Variants in CDC45 observed in about 807,000 individuals in gnomAD.
CDC45 encodes cell division control protein 45 homolog.
A neutral mutation model predicts 77.8 loss-of-function variants in CDC45; 54 were observed. The ratio of observed to expected loss-of-function variants is 0.69; its 90% CI spans 0.56 to 0.87. CDC45 has a LOEUF of 0.87. Ranked by LOEUF, CDC45 falls within the 40% of genes least tolerant of loss-of-function variation. CDC45 has a pLI of 0.00. For synonymous variants in CDC45, 260 were observed against 272.1 expected, an observed-to-expected ratio of 0.96 and a Z score of 0.44; for missense variants, 649 against 721.6, an observed-to-expected ratio of 0.90 and a Z score of 1.15.
Position 19,514,823 on chromosome 22 carries a change from C to G in CDC45, c.1292C>G (p.Ala431Gly). 1 of 1,614,160 alleles carries G rather than the reference C, an allele frequency of 6.2e-7. No individual in the cohort carries two copies. The highest frequency in any genetic ancestry group is 1.1e-5 in the South Asian group (1 of 91,088). ...CTGCGAGCCACCCAGCAGACCATTG[C>G]CAGCTGCCTTTGCACCAACCTCGTC... ...KQLRATQQTI[A>G]SCLCTNLVIS... Residue 431 changes from alanine to glycine, a missense_variant, in exon 14 of 19, where the codon GCC becomes GGC. Physicochemically the swap from Ala to Gly is moderately conservative, Grantham distance 60. Coordinates refer to ENST00000263201, the MANE Select transcript of CDC45 (RefSeq NM_003504.5).
chr22:19,504,686 G>A (rs1300845985), intron 9 of CDC45, among the ~76,000 whole-genome samples: 1 of 152,150 alleles, frequency 6.6e-6, no homozygotes. Flanking sequence ...GTAATCATCA[G>A]GGTGTACAAA....
intron 9 of CDC45, among the ~76,000 whole-genome samples, chr22:19,501,105 A>G (rs1932886670): frequency 6.6e-6 from 1 of 152,150 alleles, no homozygotes; most frequent in Admixed American, 6.6e-5. Context: ...GCTTGAACCC[A>G]GGAGGCGGAG....
chr22:19,514,961 G>T lies in CDC45; in HGVS notation c.1357-4G>T, dbSNP rs758642029. The T allele has an allele frequency of 2.5e-6, 4 of 1,614,160 alleles. No homozygotes were observed. Among genetic ancestry groups the T allele is most frequent in the Non-Finnish European group, 3.4e-6 (4 of 1,180,022 alleles). On this transcript the variant is annotated splice_region_variant and splice_polypyrimidine_tract_variant and intron_variant, in intron 14 of 18. Transcript: ENST00000263201. ...TCGTCTGACCATCTGTCTCGCCTCC[G>T]CAGGGCACTCCAGATGTCATGCTGT...
chr22:19,505,548 T>A, intron 10 of CDC45, 67 bp downstream of exon 10: 1 of 1,580,578 alleles, frequency 6.3e-7, no homozygotes. Flanking sequence ...GTTTGCTTTG[T>A]CACCCTCTGT....
intron 9 of CDC45, among the ~76,000 whole-genome samples, chr22:19,501,179 CA>C (rs71729178): frequency 0.014 from 2,059 of 149,788 alleles, 55 homozygotes; most frequent in African/African-American, 0.047. Flanking sequence ...GACTCCGTCT[CA>C]AAAAAAAACA....
At chr22:19,511,605 T>C (rs1005717288) in intron 13 of CDC45, among the ~76,000 whole-genome samples, 1 of 152,158 alleles carries the variant, frequency 6.6e-6, no homozygotes, top group African/African-American at 2.4e-5. Context: ...ACTGGGATTA[T>C]AGGTATGAAC....
intron 17 of CDC45, among the ~76,000 whole-genome samples, chr22:19,518,236 A>C (rs1933909754): frequency 6.6e-6 from 1 of 152,174 alleles, no homozygotes; most frequent in African/African-American, 2.4e-5. Flanking sequence ...GTGAGGGTGC[A>C]GAGTGGGCCA....
intron 11 of CDC45, 35 bp downstream of exon 11, chr22:19,507,552 C>T (rs1055669011): frequency 2.5e-6 from 4 of 1,611,758 alleles, no homozygotes; most frequent in Non-Finnish European, 3.4e-6. Context: ...AGTGCCAGCC[C>T]TGGCCACCCC....
chr22:19,506,574 G>C (rs13447259), intron 10 of CDC45, among the ~76,000 whole-genome samples: 5 of 152,138 alleles, frequency 3.3e-5, no homozygotes, highest in African/African-American at 1.2e-4. Flanking sequence ...GAAATCCACC[G>C]TGGGGGACAG....
chr22:19,485,281 T>TA (rs2146339165), intron 5 of CDC45, among the ~76,000 whole-genome samples: 1 of 152,360 alleles, frequency 6.6e-6, no homozygotes, highest in Admixed American at 6.5e-5. Flanking sequence ...TTTAAGCACT[T>TA]ACTATGTGCC....
rs1408081227 is a variant in CDC45 at position 19,496,007 on chromosome 22, A to G, written c.569A>G (p.Gln190Arg). Residue 190 changes from glutamine (Q) to arginine (R), a missense_variant, in exon 7 of 19, where the codon CAG becomes CGG. Gln to Arg is a conservative substitution (Grantham distance 43, BLOSUM62 1). Transcript: ENST00000263201. ...AGAGACATCCTCTTTGACTACGAGC[A>G]GTATGAATATCATGGGACATCGGTA... is the stretch of plus-strand genomic sequence containing the variant. Reference protein sequence around the residue: ...RRRDILFDYEQYEYHGTSSAM... With the variant: ...RRRDILFDYERYEYHGTSSAM... 2 of 1,611,048 alleles carry G rather than the reference A, an allele frequency of 1.2e-6. No homozygotes were observed. The highest frequency in any genetic ancestry group is 1.7e-6 in the Non-Finnish European group (2 of 1,177,370).
chr22:19,510,822 C>T (rs1289882781), intron 13 of CDC45, among the ~76,000 whole-genome samples: 2 of 152,168 alleles, frequency 1.3e-5, no homozygotes, highest in African/African-American at 2.4e-5. Context: ...CCACCATGCC[C>T]GGCCAGTGTC....
At position 19,507,825 on chromosome 22, in the gene CDC45, A is replaced by G; in HGVS notation, c.1016A>G (p.Asn339Ser). 6.2e-7 allele frequency: 1 copy of G among 1,600,142 alleles called. No individual in the cohort carries two copies. ...FQAMDISLKE[N>S]LREMIEESAN... ...GCCATGGACATCTCCTTGAAGGAGA[A>G]TTTGCGGGAAATGATTGAAGAGTCT... The change falls in exon 12 of 19, where the codon AAT becomes AGT. Residue 339 changes from asparagine (N) to serine (S), a missense_variant. By Grantham distance (46) the Asn-to-Ser change is conservative. Transcript: ENST00000263201.
intron 4 of CDC45, among the ~76,000 whole-genome samples, chr22:19,483,473 A>G (rs1415273660): frequency 6.6e-6 from 1 of 152,180 alleles, no homozygotes; most frequent in East Asian, 1.9e-4. Context: ...AGTTGCTTTC[A>G]GACAGGAGTT....
At chr22:19,500,163 G>A (rs578073991) in intron 9 of CDC45, among the ~76,000 whole-genome samples, 2 of 152,316 alleles carry the variant, frequency 1.3e-5, no homozygotes, top group Admixed American at 1.3e-4. Flanking sequence ...TGTATGCACT[G>A]ATAGGCACTG....
At chr22:19,484,354 T>A (rs938666362) in intron 5 of CDC45, among the ~76,000 whole-genome samples, 1 of 152,206 alleles carries the variant, frequency 6.6e-6, no homozygotes, top group Non-Finnish European at 1.5e-5. Flanking sequence ...TCACTTACTA[T>A]GCAGTCACTG....
chr22:19,518,472 C>T (rs993579022), intron 17 of CDC45, among the ~76,000 whole-genome samples: 3 of 152,178 alleles, frequency 2.0e-5, no homozygotes, highest in Non-Finnish European at 2.9e-5. Context: ...GGCCAGAGTG[C>T]GGCCAAAAGT....
Position 19,514,875 on chromosome 22 carries a change from C to T in CDC45, c.1344C>T (p.Cys448=). 1 of 1,614,250 alleles carries T rather than the reference C, an allele frequency of 6.2e-7. No individual in the cohort carries two copies. ...LVISQGPFLY[C]SLMEGTPDVM... ...TCTCCCAGGGGCCTTTCCTGTACTG[C>T]TCTCTCATGGAGGTCAGGCTTCCCA... The change falls in exon 14 of 19, where the codon TGC becomes TGT. Residue 448 remains cysteine (C), a synonymous_variant. Coordinates refer to ENST00000263201, the MANE Select transcript of CDC45 (RefSeq NM_003504.5).
intron 5 of CDC45, among the ~76,000 whole-genome samples, chr22:19,487,256 C>CA (rs1225670894): frequency 1.4e-5 from 2 of 147,232 alleles, no homozygotes; most frequent in Non-Finnish European, 3.0e-5. Context: ...CACGCCACTG[C>CA]ACTCCAGCCT....
Sources: allele counts gnomAD v4.1 joint callset (sites outside exome capture counted in the v4.1 genomes callset), GRCh38; gene constraint gnomAD v4.1.1; transcripts MANE v1.5; gene names NCBI Gene and HGNC (gene_info 2026-07-23, HGNC 2026-07-21).